Variants in SNTG1 observed in about 807,000 individuals in gnomAD.
SNTG1 encodes syntrophin gamma 1, also known as gamma-1-syntrophin.
In SNTG1, 39 loss-of-function variants were observed where a neutral mutation model predicts 74.7. The observed-to-expected ratio is 0.52, with a 90% CI of 0.40 to 0.68. SNTG1 has a LOEUF of 0.68. Ranked by LOEUF, SNTG1 falls within the 30% of genes least tolerant of loss-of-function variation. The pLI is 0.00. For synonymous variants in SNTG1, 254 were observed against 217.1 expected (o/e 1.17, Z -1.49); for missense variants, 685 against 609.5 (o/e 1.12, Z -1.30).
At chr8:50,029,364 CTT>C (rs1166806669) in intron 1 of SNTG1, among the ~76,000 whole-genome samples, 5 of 152,028 alleles carry the variant, frequency 3.3e-5, no homozygotes, top group East Asian at 1.9e-4. Context: ...ATTCCATCCT[CTT>C]TGTTATTTTA....
intron 11 of SNTG1, among the ~76,000 whole-genome samples, chr8:50,550,035 T>C (rs1184704047): frequency 1.3e-5 from 2 of 152,172 alleles, no homozygotes; most frequent in Admixed American, 6.6e-5. Context: ...TTAGGGGAAA[T>C]TGAGGCACAA....
intron 4 of SNTG1, among the ~76,000 whole-genome samples, chr8:50,406,551 G>A (rs985109914): frequency 6.6e-6 from 1 of 151,948 alleles, no homozygotes; most frequent in Non-Finnish European, 1.5e-5. Context: ...TATTACTCTC[G>A]TTAAGATTTC....
chr8:50,512,815 A>C (rs1423528825), intron 9 of SNTG1, among the ~76,000 whole-genome samples: 3 of 152,014 alleles, frequency 2.0e-5, no homozygotes, highest in Non-Finnish European at 4.4e-5. Flanking sequence ...TTAGCCATTC[A>C]TCTAATTTTT....
chr8:50,634,464 T>G (rs1466222779), intron 13 of SNTG1, among the ~76,000 whole-genome samples: 2 of 152,206 alleles, frequency 1.3e-5, no homozygotes, highest in Admixed American at 1.3e-4. Flanking sequence ...TTGCTTTATC[T>G]TATTAAGTCA....
chr8:50,744,552 G>A (rs56331781), intron 17 of SNTG1, among the ~76,000 whole-genome samples: 2,969 of 151,838 alleles, frequency 0.02, 85 homozygotes, highest in African/African-American at 0.064. Context: ...AGAAAAGTCC[G>A]TCTTATAACT....
chr8:50,544,791 T>C (rs981019052), intron 11 of SNTG1, among the ~76,000 whole-genome samples: 1 of 152,056 alleles, frequency 6.6e-6, no homozygotes, highest in East Asian at 1.9e-4. Context: ...TCAACCAATA[T>C]TGACTTAATA....
intron 1 of SNTG1, among the ~76,000 whole-genome samples, chr8:50,104,971 T>C (rs1432039480): frequency 1.3e-5 from 2 of 152,168 alleles, no homozygotes; most frequent in African/African-American, 4.8e-5. Context: ...GCAAATATTT[T>C]CTTCCATTCT....
intron 13 of SNTG1, among the ~76,000 whole-genome samples, chr8:50,610,100 G>T (rs1455355134): frequency 1.3e-5 from 2 of 152,060 alleles, no homozygotes; most frequent in Non-Finnish European, 2.9e-5. Flanking sequence ...CTGGATTTTT[G>T]TCTGAAAATT....
intron 18 of SNTG1, among the ~76,000 whole-genome samples, chr8:50,778,142 G>A (rs537297197): frequency 2.6e-5 from 4 of 152,244 alleles, no homozygotes; most frequent in Admixed American, 6.5e-5. Context: ...TTGCTATTGT[G>A]AATAGTGCCG....
intron 10 of SNTG1, among the ~76,000 whole-genome samples, chr8:50,532,909 T>C (rs952287467): frequency 1.3e-5 from 2 of 152,212 alleles, no homozygotes; most frequent in African/African-American, 2.4e-5. Flanking sequence ...TGTCTATACC[T>C]TGATCTGAAG....
intron 9 of SNTG1, among the ~76,000 whole-genome samples, chr8:50,518,102 C>G (rs970439028): frequency 2.6e-5 from 4 of 152,172 alleles, no homozygotes; most frequent in Non-Finnish European, 5.9e-5. Flanking sequence ...TCATAACAAA[C>G]AGACTCTAAG....
chr8:49,987,850 G>A (rs774292021), intron 1 of SNTG1, among the ~76,000 whole-genome samples: 12 of 151,878 alleles, frequency 7.9e-5, no homozygotes, highest in East Asian at 1.9e-4. Context: ...GGGTTTCACC[G>A]TGTTAGCCAG....
At chr8:50,067,574 A>G (rs1280668054) in intron 1 of SNTG1, among the ~76,000 whole-genome samples, 1 of 152,168 alleles carries the variant, frequency 6.6e-6, no homozygotes, top group African/African-American at 2.4e-5. Context: ...CCCTTTGACA[A>G]TCTGTAAGTT....
chr8:50,629,092 G>A (rs994171215), intron 13 of SNTG1, among the ~76,000 whole-genome samples: 1 of 151,988 alleles, frequency 6.6e-6, no homozygotes, highest in Non-Finnish European at 1.5e-5. Context: ...ATGGTGAGAT[G>A]TTGATCAAAG....
chr8:50,715,050 A>G (rs1436486503), intron 17 of SNTG1, among the ~76,000 whole-genome samples: 4 of 152,142 alleles, frequency 2.6e-5, no homozygotes, highest in Admixed American at 2.6e-4. Flanking sequence ...AAAAGTTTGA[A>G]AGTTATTCTT....
In SNTG1 at chr8:50,264,413, C is replaced by CA. The variant is rs537668997; in HGVS notation, c.-28+91785dup. Among the ~76,000 whole-genome samples the CA allele has an allele frequency of 3.3e-5, 5 of 151,374 alleles. No homozygotes were observed. The East Asian group carries it at 5.9e-4, about 18-fold the overall frequency. On this transcript the variant is annotated intron_variant, in intron 2 of 18. Coordinates refer to ENST00000642720, the MANE Select transcript of SNTG1 (RefSeq NM_018967.5). ...TGAAACCCCGTCTCTAATAAAAATACAAAAAAATTAATTGCATGTGGTGGT... is the reference window on the plus strand; with the variant it reads ...TGAAACCCCGTCTCTAATAAAAATACAAAAAAAATTAATTGCATGTGGTGGT...
chr8:50,109,692 A>C (rs944745733), intron 1 of SNTG1, among the ~76,000 whole-genome samples: 7 of 152,140 alleles, frequency 4.6e-5, no homozygotes, highest in African/African-American at 1.7e-4. Context: ...TCTTGGTCTT[A>C]CTTGGGAGAC....
chr8:50,097,112 G>A (rs1402310508), intron 1 of SNTG1, among the ~76,000 whole-genome samples: 1 of 152,016 alleles, frequency 6.6e-6, no homozygotes, highest in African/African-American at 2.4e-5. Flanking sequence ...TGGGACTACA[G>A]GTGCCCACCA....
intron 1 of SNTG1, among the ~76,000 whole-genome samples, chr8:50,098,423 C>A (rs1349022867): frequency 6.6e-6 from 1 of 152,114 alleles, no homozygotes; most frequent in Non-Finnish European, 1.5e-5. Flanking sequence ...TCATTATTCC[C>A]TAAATAATAC....
Sources: gnomAD v4.1 joint callset for allele counts (sites outside exome capture counted in the v4.1 genomes callset) on GRCh38, gnomAD v4.1.1 for gene constraint, MANE v1.5 for transcripts, NCBI Gene and HGNC (gene_info 2026-07-23, HGNC 2026-07-21) for gene names.